EYA2: variants seen among roughly 807,000 people sequenced by gnomAD.
The protein encoded by EYA2 is protein phosphatase EYA2.
A neutral mutation model predicts 69.2 loss-of-function variants in EYA2; 31 were observed. The ratio of observed to expected loss-of-function variants is 0.45; its 90% CI spans 0.34 to 0.60. The LOEUF is 0.60. Among genes scored for constraint, EYA2 ranks in the 20% least tolerant of loss-of-function variants. The pLI is 0.02. For synonymous variants in EYA2, 257 were observed against 279.4 expected (o/e 0.92, Z 0.80); for missense variants, 622 against 701.2 (o/e 0.89, Z 1.28).
intron 5 of EYA2, among the ~76,000 whole-genome samples, chr20:47,065,548 A>G (rs920495203): frequency 6.6e-6 from 1 of 152,196 alleles, no homozygotes; most frequent in Non-Finnish European, 1.5e-5. Context: ...GCAATAATGA[A>G]AAAAAGGTTG....
At chr20:47,163,635 T>C (rs1277125516) in intron 10 of EYA2, among the ~76,000 whole-genome samples, 1 of 143,888 alleles carries the variant, frequency 6.9e-6, no homozygotes, top group Non-Finnish European at 1.5e-5. Flanking sequence ...GAGGAAGAGG[T>C]TGCAGTGAGC....
At chr20:47,181,002 G>A in intron 14 of EYA2, 66 bp downstream of exon 14, 1 of 1,577,374 alleles carries the variant, frequency 6.3e-7, no homozygotes, top group Non-Finnish European at 8.6e-7. Context: ...TCCATCCTGG[G>A]AATGGGGTGT....
At chr20:47,120,307 T>G (rs1477899811) in intron 9 of EYA2, among the ~76,000 whole-genome samples, 1 of 151,908 alleles carries the variant, frequency 6.6e-6, no homozygotes, top group Non-Finnish European at 1.5e-5. Flanking sequence ...GCCCAGGAGT[T>G]CAAGGCTGTG....
Position 47,180,948 on chromosome 20 carries a change from C to G in EYA2, c.1435+12C>G, listed in dbSNP as rs2146672547. The G allele has an allele frequency of 1.2e-6, 2 of 1,612,812 alleles. No individual in the cohort carries two copies. Among genetic ancestry groups the G allele is most frequent in the East Asian group, 4.5e-5 (2 of 44,882 alleles). On this transcript the variant is annotated intron_variant, in intron 14 of 15. Coordinates refer to ENST00000327619, the MANE Select transcript of EYA2 (RefSeq NM_005244.5). ...TGCAACCAAGACAGGTAGGGAGAAG[C>G]CACACCTCGGCGGGGATACAGGGTT...
chr20:47,112,862 C>CTTTTT lies in EYA2; in HGVS notation c.888+15717_888+15721dup, dbSNP rs11473217. On this transcript the variant is annotated intron_variant, in intron 9 of 15. Coordinates refer to ENST00000327619, the MANE Select transcript of EYA2 (RefSeq NM_005244.5). ...CAAAAGTTAGATTTCATGTTCACTC[C>CTTTTT]TTTTTTTTTTTTTTTTTTTTTTTTT... Among the ~76,000 whole-genome samples the CTTTTT allele has an allele frequency of 5.9e-4, 33 of 55,834 alleles. 4 individuals carry two copies. The highest frequency in any genetic ancestry group is 1.5e-3 in the African/African-American group (27 of 17,632). The allele number at this position is 55,834 out of a possible 152,430, so 36.6% of individuals were successfully genotyped here. A position where few individuals can be genotyped will look rare whatever the true frequency, so the allele number is the denominator to read the frequency against.
chr20:47,106,493 C>G (rs1391855712), intron 9 of EYA2, among the ~76,000 whole-genome samples: 1 of 152,138 alleles, frequency 6.6e-6, no homozygotes, highest in Admixed American at 6.5e-5. Context: ...CAGGTTATAT[C>G]AGACTTCCAG....
At chr20:46,954,966 A>C (rs1303264333) in intron 1 of EYA2, among the ~76,000 whole-genome samples, 2 of 152,158 alleles carry the variant, frequency 1.3e-5, no homozygotes, top group East Asian at 3.9e-4. Flanking sequence ...ATCTTTGGCC[A>C]TTCGTAAGGT....
At chr20:46,907,687 C>CA (rs1984428655) in intron 1 of EYA2, among the ~76,000 whole-genome samples, 1 of 152,096 alleles carries the variant, frequency 6.6e-6, no homozygotes, top group Non-Finnish European at 1.5e-5. Context: ...AAAAATAAAA[C>CA]AATTAGCCAG....
At chr20:47,122,289 G>GTTTTTT (rs1180670988) in intron 9 of EYA2, among the ~76,000 whole-genome samples, 39 of 110,834 alleles carry the variant, frequency 3.5e-4, no homozygotes, top group African/African-American at 4.4e-4. Context: ...TATTTTCTTG[G>GTTTTTT]TTTTTTTTTT....
At chr20:47,089,519 T>C in intron 8 of EYA2, 138 bp downstream of exon 8, 1 of 1,028,020 alleles carries the variant, frequency 9.7e-7, no homozygotes, top group Non-Finnish European at 1.4e-6. Context: ...CAGGGAAGCA[T>C]GAGGTTGTCC....
chr20:47,049,669 C>G (rs970482895), intron 5 of EYA2, among the ~76,000 whole-genome samples: 1 of 152,046 alleles, frequency 6.6e-6, no homozygotes, highest in Admixed American at 6.6e-5. Context: ...CTCCCTGAGG[C>G]CCCCCCAGAA....
chr20:47,033,136 C>T (rs984897308), intron 5 of EYA2, among the ~76,000 whole-genome samples: 1 of 152,142 alleles, frequency 6.6e-6, no homozygotes, highest in Admixed American at 6.5e-5. Context: ...TGCAGGTGAG[C>T]CCTAGCCGGC....
chr20:47,170,778 C>T (rs3787241), intron 11 of EYA2, among the ~76,000 whole-genome samples: 2,715 of 152,244 alleles, frequency 0.018, 114 homozygotes, highest in East Asian at 0.17. Context: ...CACAATTCAA[C>T]GGCTTTAGGC....
intron 1 of EYA2, among the ~76,000 whole-genome samples, chr20:46,946,180 G>T (rs1414235195): frequency 6.6e-6 from 1 of 152,156 alleles, no homozygotes; most frequent in African/African-American, 2.4e-5. Context: ...CTGCAGGATT[G>T]CTGGACCCTC....
Position 46,943,255 on chromosome 20 carries a change from C to G in EYA2, c.-10-46746C>G, listed in dbSNP as rs149755960. ...TACGATGCACAGGACATCCCCCACC[C>G]CGCCCCCAGCACTCACCAACAACAA... On this transcript the variant is annotated intron_variant, in intron 1 of 15. Transcript: ENST00000327619. 3.5e-3 allele frequency among the ~76,000 whole-genome samples: 532 copies of G among 152,310 alleles called. 1 individual carries two copies. Among genetic ancestry groups the G allele is most frequent in the African/African-American group, 0.012 (480 of 41,564 alleles).
chr20:47,108,593 A>T (rs2032657507), intron 9 of EYA2, among the ~76,000 whole-genome samples: 1 of 152,056 alleles, frequency 6.6e-6, no homozygotes, highest in East Asian at 1.9e-4. Context: ...TATTTTAGAG[A>T]CAGGGTCTTG....
At chr20:47,124,639 G>C (rs1410415303) in intron 9 of EYA2, among the ~76,000 whole-genome samples, 1 of 152,056 alleles carries the variant, frequency 6.6e-6, no homozygotes, top group Non-Finnish European at 1.5e-5. Flanking sequence ...AGTGACTCCT[G>C]TTAGGGTGAT....
intron 1 of EYA2, among the ~76,000 whole-genome samples, chr20:46,912,548 T>C (rs891844774): frequency 1.4e-4 from 21 of 152,072 alleles, no homozygotes; most frequent in Non-Finnish European, 2.1e-4. Flanking sequence ...TCATGGAGCT[T>C]TTGTTTAGGG....
intron 9 of EYA2, among the ~76,000 whole-genome samples, chr20:47,131,990 A>T (rs1049065470): frequency 6.6e-6 from 1 of 152,210 alleles, no homozygotes; most frequent in Non-Finnish European, 1.5e-5. Flanking sequence ...TCTTTGAAAC[A>T]GGGTCTCACT....
Sources: allele counts gnomAD v4.1 joint callset (sites outside exome capture counted in the v4.1 genomes callset), GRCh38; gene constraint gnomAD v4.1.1; transcripts MANE v1.5; gene names NCBI Gene and HGNC (gene_info 2026-07-23, HGNC 2026-07-21).